The following RGSL1 variants were observed in gnomAD, a reference collection of about 807,000 sequenced individuals.
The protein encoded by RGSL1 is regulator of G protein signaling protein-like.
Under a neutral mutation model 124.7 loss-of-function variants are expected in RGSL1, and 97 were observed. That is an observed-to-expected ratio of 0.78 (90% CI 0.66 to 0.92). RGSL1 has a LOEUF of 0.92. Ranked by LOEUF, RGSL1 falls within the 40% of genes least tolerant of loss-of-function variation. The pLI is 0.00. For synonymous variants in RGSL1, 424 were observed against 438.1 expected, an observed-to-expected ratio of 0.97 and a Z score of 0.40; for missense variants, 1,233 against 1,288.4, an observed-to-expected ratio of 0.96 and a Z score of 0.66.
chr1:182,477,581 G>A (rs1489760055), intron 6 of RGSL1, among the ~76,000 whole-genome samples: 1 of 152,122 alleles, frequency 6.6e-6, no homozygotes, highest in African/African-American at 2.4e-5. Context: ...TTTCCAGACT[G>A]CTAGCAGCCT....
chr1:182,554,625 A>T lies in RGSL1; in HGVS notation c.3131-2A>T. 1 of 1,551,502 alleles carries T rather than the reference A, an allele frequency of 6.4e-7. No homozygotes were observed. The stretch of plus-strand genomic sequence containing the variant: ...GCAATTTTTCTCTGTATTTCTCTTT[A>T]GCTTCATCAAGCAAACTTACTCAGC... On this transcript the variant is annotated splice_acceptor_variant, in intron 19 of 21. Transcript: ENST00000294854. LOFTEE classifies it high-confidence loss of function.
At chr1:182,511,495 A>C (rs145322510) in intron 9 of RGSL1, among the ~76,000 whole-genome samples, 1 of 152,214 alleles carries the variant, frequency 6.6e-6, no homozygotes, top group Admixed American at 6.5e-5. Flanking sequence ...TCTTAGCACC[A>C]TTTATTGAAG....
chr1:182,542,219 C>T (rs1659936527), intron 15 of RGSL1, among the ~76,000 whole-genome samples: 3 of 152,144 alleles, frequency 2.0e-5, no homozygotes, highest in Admixed American at 6.5e-5. Context: ...GCCTTTAGTA[C>T]ATTTTTATTT....
At position 182,527,735 on chromosome 1, in the gene RGSL1, T is replaced by A. The variant is rs1013989453; in HGVS notation, c.2088T>A (p.Asn696Lys). The change falls in exon 11 of 22, where the codon AAT (asparagine) becomes AAA (lysine). Residue 696 changes from asparagine to lysine, a missense_variant. Physicochemically the swap from Asn to Lys is moderately conservative, Grantham distance 94 (BLOSUM62 0). Transcript: ENST00000294854. ...AGATTTGCAAGTCTCTCATAGAAAA[T>A]GTAATCAAGACTTTCTTCCAAGGCC... ...NEKICKSLIE[N>K]VIKTFFQGQL... 4 of 1,550,928 alleles carry A rather than the reference T, an allele frequency of 2.6e-6. No homozygotes were observed. The highest frequency in any genetic ancestry group is 3.5e-6 in the Non-Finnish European group (4 of 1,146,612).
chr1:182,464,329 A>C (rs1653091797), intron 4 of RGSL1, among the ~76,000 whole-genome samples: 1 of 152,232 alleles, frequency 6.6e-6, no homozygotes, highest in Admixed American at 6.5e-5. Context: ...GAAATAATAA[A>C]GATTACAGTA....
At chr1:182,509,658 G>A (rs1182048109) in intron 9 of RGSL1, among the ~76,000 whole-genome samples, 18 of 134,428 alleles carry the variant, frequency 1.3e-4, no homozygotes, top group African/African-American at 3.2e-4. Context: ...GCGGCTGGCC[G>A]GGCGGGGGGC....
intron 15 of RGSL1, among the ~76,000 whole-genome samples, chr1:182,542,927 G>C (rs987252378): frequency 6.6e-6 from 1 of 151,986 alleles, no homozygotes. Context: ...TTTACTGAAT[G>C]TCTGAGTTCT....
intron 10 of RGSL1, among the ~76,000 whole-genome samples, chr1:182,525,398 G>A (rs1241199026): frequency 2.0e-5 from 3 of 152,008 alleles, no homozygotes; most frequent in Admixed American, 1.3e-4. Context: ...TTAAAGGAAG[G>A]TATGATGATA....
Position 182,548,398 on chromosome 1 carries a change from C to T in RGSL1, c.2751C>T (p.Ser917=). The T allele has an allele frequency of 6.4e-7, 1 of 1,551,742 alleles. No individual in the cohort carries two copies. Among genetic ancestry groups the T allele is most frequent in the Non-Finnish European group, 8.7e-7 (1 of 1,146,994 alleles). Residue 917 remains serine, a synonymous_variant, in exon 16 of 22, where the codon TCC becomes TCT. Coordinates refer to ENST00000294854, the MANE Select transcript of RGSL1 (RefSeq NM_001137669.2). The stretch of plus-strand genomic sequence containing the variant: ...AGAATGATGTGATCCTAATGCGGTC[C>T]AAAATGAACATTATCCAAAAACTCT... The part of the protein sequence containing the change: ...YNENDVILMR[S]KMNIIQKLFL...
At chr1:182,545,743 T>A (rs1292876243) in intron 15 of RGSL1, among the ~76,000 whole-genome samples, 1 of 152,172 alleles carries the variant, frequency 6.6e-6, no homozygotes, top group African/African-American at 2.4e-5. Flanking sequence ...GAATTTTTTC[T>A]CAAATTTTCC....
At chr1:182,486,675 C>G (rs1291352997) in intron 6 of RGSL1, among the ~76,000 whole-genome samples, 1 of 151,658 alleles carries the variant, frequency 6.6e-6, no homozygotes, top group Non-Finnish European at 1.5e-5. Context: ...ATCTTTTTTA[C>G]TTATTTATTT....
chr1:182,449,769 C>T (rs1487000576), upstream of RGSL1, among the ~76,000 whole-genome samples: 2 of 152,098 alleles, frequency 1.3e-5, no homozygotes, highest in African/African-American at 4.8e-5. Context: ...GCAGAATATC[C>T]AGGAGTTACT....
intron 4 of RGSL1, among the ~76,000 whole-genome samples, chr1:182,465,032 A>G (rs1433367589): frequency 1.3e-5 from 2 of 150,182 alleles, no homozygotes; most frequent in Non-Finnish European, 1.5e-5. Context: ...GGCATTTGAT[A>G]TGCCACTGCA....
intron 6 of RGSL1, among the ~76,000 whole-genome samples, chr1:182,475,170 G>A (rs1457049394): frequency 6.6e-6 from 1 of 152,182 alleles, no homozygotes; most frequent in Non-Finnish European, 1.5e-5. Flanking sequence ...TCTATGAGGA[G>A]AGTTTTAAAT....
At chr1:182,508,227 A>G (rs547903320) in intron 9 of RGSL1, among the ~76,000 whole-genome samples, 4 of 149,546 alleles carry the variant, frequency 2.7e-5, no homozygotes, top group Non-Finnish European at 4.4e-5. Context: ...CATTTTAACT[A>G]GGACGAGATC....
rs141226400 is a variant in RGSL1 at position 182,513,433 on chromosome 1, C to T, written c.1826-8571C>T. On this transcript the variant is annotated intron_variant, in intron 9 of 21. Transcript: ENST00000294854. ...CATGTGTATTATACAAGGAAAGAAT[C>T]GAGTGCCAAAGATTACAGAAATAAG... 1.7e-4 allele frequency among the ~76,000 whole-genome samples: 26 copies of T among 152,284 alleles called. No homozygotes were observed. In the East Asian group the frequency reaches 4.6e-3, roughly 27 times the overall value.
intron 3 of RGSL1, among the ~76,000 whole-genome samples, chr1:182,459,384 T>C (rs917693048): frequency 2.0e-5 from 3 of 152,180 alleles, no homozygotes; most frequent in African/African-American, 4.8e-5. Flanking sequence ...CTCTAAACCC[T>C]GATAACAACA....
At position 182,522,023 on chromosome 1, in the gene RGSL1, CA is replaced by C. The variant is rs1429754921; in HGVS notation, c.1847del (p.Lys616ArgfsTer21). ...TTTTAGATTTTAAAATGGAAATTAT[CA>C]AGGAAACAAAGACAGTTTCACGCTC... ...PKIDFKMEII[K>X]ETKTVSRSNR... On this transcript the variant is annotated frameshift_variant, in exon 10 of 22. Coordinates refer to ENST00000294854, the MANE Select transcript of RGSL1 (RefSeq NM_001137669.2). LOFTEE classifies it high-confidence loss of function. 1.3e-6 allele frequency: 2 copies of C among 1,541,722 alleles called. No individual in the cohort carries two copies.
intron 15 of RGSL1, among the ~76,000 whole-genome samples, chr1:182,542,577 A>G (rs1659962696): frequency 6.6e-6 from 1 of 151,288 alleles, no homozygotes; most frequent in South Asian, 2.1e-4. Flanking sequence ...AAATTTTAGG[A>G]TTTTTTTTTC....
Sources: allele counts gnomAD v4.1 joint callset (sites outside exome capture counted in the v4.1 genomes callset), GRCh38; gene constraint gnomAD v4.1.1; transcripts MANE v1.5; gene names NCBI Gene and HGNC (gene_info 2026-07-23, HGNC 2026-07-21).